GPC5: variants seen among roughly 807,000 people sequenced by gnomAD.
GPC5 encodes the protein glypican 5.
A neutral mutation model predicts 53.9 loss-of-function variants in GPC5; 47 were observed. That is an observed-to-expected ratio of 0.87 (90% confidence interval 0.69 to 1.11). The LOEUF (loss-of-function observed/expected upper bound fraction) is 1.11, where lower values mean the gene tolerates loss of function less well. GPC5 is among the 50% of genes most tolerant of loss of function. GPC5 has a pLI of 0.00. For synonymous variants in GPC5, 286 were observed against 263.3 expected (o/e 1.09, Z -0.84); for missense variants, 748 against 713.1 (o/e 1.05, Z -0.56).
chr13:92,609,268 A>T (rs909948469), intron 7 of GPC5, among the ~76,000 whole-genome samples: 1 of 152,140 alleles, frequency 6.6e-6, no homozygotes, highest in African/African-American at 2.4e-5. Context: ...AGGATGAGGG[A>T]ATAAAGGAAA....
At chr13:92,393,652 G>GA (rs1274391843) in intron 7 of GPC5, among the ~76,000 whole-genome samples, 6 of 151,792 alleles carry the variant, frequency 4.0e-5, no homozygotes, top group African/African-American at 1.5e-4. Flanking sequence ...GTGCATGAAA[G>GA]AAAACAAAAA....
At chr13:91,643,073 G>C (rs990593043) in intron 2 of GPC5, among the ~76,000 whole-genome samples, 4 of 152,094 alleles carry the variant, frequency 2.6e-5, no homozygotes, top group Non-Finnish European at 5.9e-5. Flanking sequence ...TCCGCTAGCA[G>C]TATACCATAG....
At chr13:92,430,139 A>G (rs945856708) in intron 7 of GPC5, among the ~76,000 whole-genome samples, 1 of 152,082 alleles carries the variant, frequency 6.6e-6, no homozygotes, top group Non-Finnish European at 1.5e-5. Flanking sequence ...TAAAGAAAAA[A>G]AAAGTGCTTA....
intron 5 of GPC5, among the ~76,000 whole-genome samples, chr13:91,900,030 T>C (rs1390934633): frequency 6.6e-6 from 1 of 152,196 alleles, no homozygotes; most frequent in East Asian, 1.9e-4. Flanking sequence ...AGGTGTTTCA[T>C]TTGCATGATA....
intron 7 of GPC5, among the ~76,000 whole-genome samples, chr13:92,503,644 T>C (rs944640407): frequency 1.3e-5 from 2 of 151,848 alleles, no homozygotes; most frequent in Non-Finnish European, 2.9e-5. Context: ...CAAAGAATTA[T>C]CTTTATCGAT....
chr13:92,483,358 C>T (rs774348947), intron 7 of GPC5, among the ~76,000 whole-genome samples: 1 of 152,184 alleles, frequency 6.6e-6, no homozygotes, highest in Non-Finnish European at 1.5e-5. Context: ...TGACATGTTA[C>T]TGTACTGAAT....
intron 7 of GPC5, among the ~76,000 whole-genome samples, chr13:92,441,278 A>G (rs1290622355): frequency 6.6e-6 from 1 of 152,198 alleles, no homozygotes; most frequent in Non-Finnish European, 1.5e-5. Context: ...CATGTTGGCA[A>G]GGCTCATCTC....
chr13:91,816,733 A>G (rs2038406085), intron 5 of GPC5, among the ~76,000 whole-genome samples: 1 of 152,198 alleles, frequency 6.6e-6, no homozygotes. Flanking sequence ...AGAGTATCAA[A>G]TCCCCTTCTC....
At chr13:91,941,325 T>G (rs531834244) in intron 6 of GPC5, among the ~76,000 whole-genome samples, 2 of 152,256 alleles carry the variant, frequency 1.3e-5, no homozygotes, top group African/African-American at 4.8e-5. Context: ...TTGCTTTGGC[T>G]ATGTAGGCTC....
intron 7 of GPC5, among the ~76,000 whole-genome samples, chr13:92,195,109 C>A (rs1202351329): frequency 3.3e-5 from 5 of 152,184 alleles, no homozygotes; most frequent in Non-Finnish European, 7.3e-5. Context: ...GCCACTAAGA[C>A]TGCATGGCCC....
At chr13:92,094,565 A>G (rs1240671853) in intron 6 of GPC5, among the ~76,000 whole-genome samples, 2 of 150,194 alleles carry the variant, frequency 1.3e-5, no homozygotes, top group Non-Finnish European at 3.0e-5. Context: ...ATAAAGATAC[A>G]TTTATATTAT....
chr13:91,609,313 A>G (rs538765795), intron 2 of GPC5, among the ~76,000 whole-genome samples: 2 of 152,094 alleles, frequency 1.3e-5, no homozygotes, highest in African/African-American at 4.8e-5. Context: ...TTTTGACAGC[A>G]CCTTGGAATG....
At chr13:92,206,101 A>G (rs1214254148) in intron 7 of GPC5, among the ~76,000 whole-genome samples, 1 of 146,554 alleles carries the variant, frequency 6.8e-6, no homozygotes, top group African/African-American at 2.5e-5. Flanking sequence ...CATTCCATAT[A>G]TATATATTTG....
At chr13:92,821,330 T>C (rs906160093) in intron 7 of GPC5, among the ~76,000 whole-genome samples, 13 of 152,206 alleles carry the variant, frequency 8.5e-5, no homozygotes, top group African/African-American at 3.1e-4. Flanking sequence ...TCACAATTTG[T>C]GTAATTAGAA....
intron 7 of GPC5, among the ~76,000 whole-genome samples, chr13:92,249,522 A>G (rs1279496377): frequency 6.6e-6 from 1 of 152,066 alleles, no homozygotes; most frequent in African/African-American, 2.4e-5. Flanking sequence ...GAACTGGCTA[A>G]GAATTTATTT....
intron 7 of GPC5, among the ~76,000 whole-genome samples, chr13:92,527,144 GAAAGAAAGAAAGAAAGAA>G (rs1881329166): frequency 8.8e-6 from 1 of 114,084 alleles, no homozygotes; most frequent in Admixed American, 9.6e-5. Context: ...AAGAAAGAAA[GAAAGAAAGAAAGAAAGAA>G]AGAAAGAAAG....
intron 6 of GPC5, among the ~76,000 whole-genome samples, chr13:91,948,441 G>C (rs1444913232): frequency 1.3e-5 from 2 of 151,892 alleles, no homozygotes; most frequent in Admixed American, 6.6e-5. Flanking sequence ...TCTAGGCACT[G>C]TTTTGGGCTG....
intron 7 of GPC5, among the ~76,000 whole-genome samples, chr13:92,632,550 A>G (rs138235616): frequency 2.0e-5 from 3 of 150,884 alleles, no homozygotes; most frequent in Middle Eastern, 3.5e-3. Flanking sequence ...TAGTTTATAT[A>G]TTCCAATTCT....
At chr13:91,811,288 T>C (rs1229152931) in intron 5 of GPC5, among the ~76,000 whole-genome samples, 1 of 152,062 alleles carries the variant, frequency 6.6e-6, no homozygotes, top group Non-Finnish European at 1.5e-5. Context: ...GTAATAGTAA[T>C]CACACTAATT....
Sources: gnomAD v4.1 joint callset for allele counts (sites outside exome capture counted in the v4.1 genomes callset) on GRCh38, gnomAD v4.1.1 for gene constraint, MANE v1.5 for transcripts, NCBI Gene and HGNC (gene_info 2026-07-23, HGNC 2026-07-21) for gene names.